Variants in DOCK3 observed in about 807,000 individuals in gnomAD.
DOCK3 encodes dedicator of cytokinesis 3.
In DOCK3, 60 loss-of-function variants were observed where a neutral mutation model predicts 265.6. The ratio of observed to expected loss-of-function variants is 0.23; its 90% CI spans 0.18 to 0.28. DOCK3 has a LOEUF of 0.28. DOCK3 is among the 10% of genes least tolerant of loss of function. The pLI is 1.00. For synonymous variants in DOCK3, 881 were observed against 938.0 expected, an observed-to-expected ratio of 0.94 and a Z score of 1.11; for missense variants, 1,981 against 2,594.3, an observed-to-expected ratio of 0.76 and a Z score of 5.14.
intron 9 of DOCK3, among the ~76,000 whole-genome samples, chr3:51,145,282 G>A (rs2085246691): frequency 6.6e-6 from 1 of 151,824 alleles, no homozygotes; most frequent in Admixed American, 6.6e-5. Context: ...ACAATGTGCA[G>A]GTTTGTTACA....
At chr3:51,188,200 G>T (rs2087731613) in intron 12 of DOCK3, among the ~76,000 whole-genome samples, 1 of 152,090 alleles carries the variant, frequency 6.6e-6, no homozygotes, top group Non-Finnish European at 1.5e-5. Context: ...ATATCTTGGA[G>T]GCACATTAGT....
intron 27 of DOCK3, among the ~76,000 whole-genome samples, chr3:51,301,226 T>C (rs2082343483): frequency 6.6e-6 from 1 of 152,228 alleles, no homozygotes; most frequent in South Asian, 2.1e-4. Context: ...GTTGTTTGTA[T>C]TTCTGCAGGA....
chr3:50,903,309 A>C (rs938592255), intron 4 of DOCK3, among the ~76,000 whole-genome samples: 1 of 152,106 alleles, frequency 6.6e-6, no homozygotes, highest in African/African-American at 2.4e-5. Flanking sequence ...GGTTTGTCCT[A>C]TGTGGCTCTT....
chr3:51,283,318 G>A (rs1029500634), intron 27 of DOCK3, among the ~76,000 whole-genome samples: 2 of 152,154 alleles, frequency 1.3e-5, no homozygotes, highest in Non-Finnish European at 2.9e-5. Flanking sequence ...GTGGAGAGGA[G>A]GGTTTGGACC....
intron 36 of DOCK3, 135 bp downstream of exon 36, chr3:51,338,554 G>C: frequency 1.1e-6 from 1 of 934,178 alleles, no homozygotes; most frequent in Non-Finnish European, 1.6e-6. Flanking sequence ...TCTGTTACTG[G>C]TATCTTAGAG....
intron 6 of DOCK3, among the ~76,000 whole-genome samples, chr3:51,065,272 T>A (rs992184924): frequency 1.3e-5 from 2 of 152,194 alleles, no homozygotes; most frequent in Non-Finnish European, 2.9e-5. Flanking sequence ...TCCATTGAAC[T>A]TTTAAGTGAC....
At chr3:50,920,938 G>T (rs929133342) in intron 4 of DOCK3, among the ~76,000 whole-genome samples, 1 of 152,052 alleles carries the variant, frequency 6.6e-6, no homozygotes, top group African/African-American at 2.4e-5. Context: ...CAGAGATTCT[G>T]GTATGTTATG....
intron 2 of DOCK3, among the ~76,000 whole-genome samples, chr3:50,832,718 G>A (rs2045258688): frequency 1.3e-5 from 2 of 152,042 alleles, no homozygotes; most frequent in Admixed American, 6.6e-5. Flanking sequence ...CCTTTTACAA[G>A]GGAACTCTTA....
intron 2 of DOCK3, among the ~76,000 whole-genome samples, chr3:50,792,773 A>T (rs2042547295): frequency 6.6e-6 from 1 of 152,224 alleles, no homozygotes; most frequent in South Asian, 2.1e-4. Flanking sequence ...CTTGCATTCC[A>T]GGGATAAATT....
chr3:51,022,121 A>G (rs2079620600), intron 5 of DOCK3, among the ~76,000 whole-genome samples: 1 of 152,252 alleles, frequency 6.6e-6, no homozygotes, highest in Non-Finnish European at 1.5e-5. Flanking sequence ...TTCACTTGTA[A>G]CTTTAAGTTT....
chr3:50,713,342 A>T (rs1357227394), intron 1 of DOCK3, among the ~76,000 whole-genome samples: 3 of 152,204 alleles, frequency 2.0e-5, no homozygotes, highest in African/African-American at 4.8e-5. Context: ...TTTTATATGC[A>T]CTGGGAAACT....
intron 2 of DOCK3, among the ~76,000 whole-genome samples, chr3:50,779,090 CT>C (rs951443886): frequency 1.9e-4 from 29 of 152,090 alleles, no homozygotes; most frequent in African/African-American, 6.7e-4. Context: ...AAGCATTTAC[CT>C]TTTTTTGTGT....
intron 24 of DOCK3, among the ~76,000 whole-genome samples, chr3:51,271,870 AG>A (rs1483440149): frequency 3.5e-5 from 1 of 28,488 alleles, no homozygotes; most frequent in Non-Finnish European, 6.1e-5. Context: ...AAAAAAAAAA[AG>A]GCCCTGAAAG....
chr3:50,694,899 A>G (rs554591517), intron 1 of DOCK3, among the ~76,000 whole-genome samples: 40 of 152,336 alleles, frequency 2.6e-4, no homozygotes, highest in East Asian at 1.3e-3. Context: ...AAGCAAGCCT[A>G]TTTTACTTGA....
chr3:50,729,343 A>G (rs2038043414), intron 1 of DOCK3, among the ~76,000 whole-genome samples: 1 of 114,332 alleles, frequency 8.7e-6, no homozygotes, highest in East Asian at 2.6e-4. Context: ...AAAGTTGTTT[A>G]TTTTTATTTT....
chr3:51,092,163 T>A (rs4434173), intron 9 of DOCK3, among the ~76,000 whole-genome samples: 2 of 152,070 alleles, frequency 1.3e-5, no homozygotes, highest in Admixed American at 1.3e-4. Flanking sequence ...GATACAGAAC[T>A]GTTCACTCCT....
At chr3:50,858,706 G>A (rs1203385290) in intron 3 of DOCK3, among the ~76,000 whole-genome samples, 1 of 152,118 alleles carries the variant, frequency 6.6e-6, no homozygotes, top group Non-Finnish European at 1.5e-5. Context: ...CTCTAGCAAG[G>A]TTGGGGAAGT....
At chr3:51,207,671 T>G (rs1020095228) in intron 12 of DOCK3, among the ~76,000 whole-genome samples, 1 of 152,196 alleles carries the variant, frequency 6.6e-6, no homozygotes, top group African/African-American at 2.4e-5. Flanking sequence ...CCTTTTTATT[T>G]AGAGACCTGA....
chr3:51,108,305 A>G (rs1361639825), intron 9 of DOCK3, among the ~76,000 whole-genome samples: 1 of 152,192 alleles, frequency 6.6e-6, no homozygotes, highest in Non-Finnish European at 1.5e-5. Context: ...TCATAAGCAA[A>G]GGGGAAAGAA....
Sources: allele counts gnomAD v4.1 joint callset (sites outside exome capture counted in the v4.1 genomes callset), GRCh38; gene constraint gnomAD v4.1.1; transcripts MANE v1.5; gene names NCBI Gene and HGNC (gene_info 2026-07-23, HGNC 2026-07-21).